FAF1: variants seen among roughly 807,000 people sequenced by gnomAD.
The protein encoded by FAF1 is FAS-associated factor 1.
In FAF1, 25 loss-of-function variants were observed where a neutral mutation model predicts 92.5. The ratio of observed to expected loss-of-function variants is 0.27; its 90% CI spans 0.20 to 0.38. The LOEUF is 0.38. Ranked by LOEUF, FAF1 falls within the 10% of genes least tolerant of loss-of-function variation. The pLI is 1.00. For synonymous variants in FAF1, 234 were observed against 273.2 expected (o/e 0.86, Z 1.42); for missense variants, 636 against 793.3 (o/e 0.80, Z 2.38).
At chr1:50,901,626 G>T (rs1264148837) in intron 1 of FAF1, among the ~76,000 whole-genome samples, 2 of 152,138 alleles carry the variant, frequency 1.3e-5, no homozygotes, top group Non-Finnish European at 2.9e-5. Context: ...AGCACTTTGG[G>T]AAGCCAAGGC....
chr1:50,724,843 G>A (rs1658578343), intron 6 of FAF1, among the ~76,000 whole-genome samples: 1 of 152,120 alleles, frequency 6.6e-6, no homozygotes, highest in Admixed American at 6.6e-5. Flanking sequence ...ATTGTGGTAG[G>A]TGCACTCTGG....
chr1:50,599,007 T>C (rs892795674), intron 8 of FAF1, among the ~76,000 whole-genome samples: 1 of 152,188 alleles, frequency 6.6e-6, no homozygotes, highest in Non-Finnish European at 1.5e-5. Context: ...TCTCAAAGTA[T>C]GTACTACAGG....
chr1:50,744,974 G>A (rs1569871836), intron 4 of FAF1, among the ~76,000 whole-genome samples, 199 bp from the exon 5 acceptor site: 1 of 152,106 alleles, frequency 6.6e-6, no homozygotes, highest in East Asian at 1.9e-4. Context: ...ACAAAAGATA[G>A]CATACATTAA....
At chr1:50,956,543 CAT>C (rs1203056524) in intron 1 of FAF1, among the ~76,000 whole-genome samples, 4 of 152,154 alleles carry the variant, frequency 2.6e-5, no homozygotes, top group Non-Finnish European at 5.9e-5. Flanking sequence ...ATGATATAAA[CAT>C]GTAATTTTAC....
At chr1:50,748,498 AAAAAAAAAGAAAAG>A (rs1329676275) in intron 4 of FAF1, among the ~76,000 whole-genome samples, 1 of 151,972 alleles carries the variant, frequency 6.6e-6, no homozygotes, top group Non-Finnish European at 1.5e-5. Context: ...TCTCAAAAAA[AAAAAAAAAGAAAAG>A]AAAAAAAGAA....
At chr1:50,485,610 C>T (rs1157325834) in intron 17 of FAF1, among the ~76,000 whole-genome samples, 3 of 129,694 alleles carry the variant, frequency 2.3e-5, no homozygotes, top group South Asian at 2.4e-4. Context: ...TGCAGTGAGC[C>T]GAGATTGTGC....
intron 15 of FAF1, among the ~76,000 whole-genome samples, chr1:50,497,047 G>A (rs1646907406): frequency 6.6e-6 from 1 of 151,980 alleles, no homozygotes; most frequent in Admixed American, 6.6e-5. Flanking sequence ...GAAAGCCACT[G>A]ATTCAAGAAT....
chr1:50,921,893 G>A (rs1417975848), intron 1 of FAF1, among the ~76,000 whole-genome samples: 2 of 152,048 alleles, frequency 1.3e-5, no homozygotes, highest in East Asian at 3.9e-4. Context: ...ATGGCCAGAC[G>A]TGATGGCTCA....
At chr1:50,497,519 T>C (rs924401050) in intron 15 of FAF1, among the ~76,000 whole-genome samples, 1 of 148,168 alleles carries the variant, frequency 6.7e-6, no homozygotes. Flanking sequence ...GGTAAATTAA[T>C]AGACTTTATT....
chr1:50,698,248 G>A (rs1657317347), intron 7 of FAF1, among the ~76,000 whole-genome samples: 1 of 152,100 alleles, frequency 6.6e-6, no homozygotes, highest in Admixed American at 6.6e-5. Context: ...CATTAAAATA[G>A]TTCTCAGCTT....
intron 4 of FAF1, among the ~76,000 whole-genome samples, chr1:50,757,730 G>C (rs1242187912): frequency 1.3e-5 from 2 of 151,874 alleles, no homozygotes; most frequent in Non-Finnish European, 2.9e-5. Context: ...TATAACATGA[G>C]ATCATTTATA....
intron 3 of FAF1, among the ~76,000 whole-genome samples, chr1:50,798,755 A>G (rs564678457): frequency 1.9e-4 from 29 of 152,360 alleles, no homozygotes; most frequent in African/African-American, 6.7e-4. Context: ...TAAAATGAGG[A>G]AGAATAATAT....
chr1:50,479,719 C>G (rs1427077608), intron 17 of FAF1, among the ~76,000 whole-genome samples: 1 of 152,088 alleles, frequency 6.6e-6, no homozygotes, highest in Non-Finnish European at 1.5e-5. Flanking sequence ...AACAGTAGCT[C>G]GTTACTTCAT....
At chr1:50,464,021 C>T (rs1436885517) in intron 18 of FAF1, among the ~76,000 whole-genome samples, 1 of 152,140 alleles carries the variant, frequency 6.6e-6, no homozygotes, top group Non-Finnish European at 1.5e-5. Flanking sequence ...GGTGTGATGT[C>T]ATCCTATACA....
rs545885211 is a variant in FAF1, at chr1:50,658,585, G to A, written c.658-3057C>T. ...GTGTTATGTTGGTATTAAGCACAACGCCAGACTGATGTGCTGAACAAAAGT... is the reference window on the plus strand; with the variant it reads ...GTGTTATGTTGGTATTAAGCACAACACCAGACTGATGTGCTGAACAAAAGT... On this transcript the variant is annotated intron_variant, in intron 7 of 18. Coordinates refer to ENST00000396153, the MANE Select transcript of FAF1 (RefSeq NM_007051.3). 4.6e-5 allele frequency among the ~76,000 whole-genome samples: 7 copies of A among 152,254 alleles called. No individual in the cohort carries two copies. In the East Asian group the frequency reaches 1.3e-3, roughly 29 times the overall value.
At chr1:50,666,694 C>T (rs1569717722) in intron 7 of FAF1, among the ~76,000 whole-genome samples, 1 of 152,086 alleles carries the variant, frequency 6.6e-6, no homozygotes, top group Non-Finnish European at 1.5e-5. Context: ...ACCAGCCTGG[C>T]CAACATGGTG....
At chr1:50,955,933 T>C (rs934427701) in intron 1 of FAF1, among the ~76,000 whole-genome samples, 1 of 152,182 alleles carries the variant, frequency 6.6e-6, no homozygotes, top group Non-Finnish European at 1.5e-5. Flanking sequence ...TACCTATTAA[T>C]AGAAGAGTCG....
At chr1:50,623,337 G>A (rs1458688447) in intron 8 of FAF1, among the ~76,000 whole-genome samples, 2 of 152,124 alleles carry the variant, frequency 1.3e-5, no homozygotes, top group Admixed American at 6.5e-5. Flanking sequence ...GGAGGCCAAG[G>A]CGGGTGGACT....
At chr1:50,481,144 G>GT (rs1338540862) in intron 17 of FAF1, among the ~76,000 whole-genome samples, 1 of 152,072 alleles carries the variant, frequency 6.6e-6, no homozygotes, top group African/African-American at 2.4e-5. Flanking sequence ...AAAAAATTAA[G>GT]TTTACATAAA....
Sources: gnomAD v4.1 joint callset for allele counts (sites outside exome capture counted in the v4.1 genomes callset) on GRCh38, gnomAD v4.1.1 for gene constraint, MANE v1.5 for transcripts, NCBI Gene and HGNC (gene_info 2026-07-23, HGNC 2026-07-21) for gene names.